Variants in VWA3A observed in about 807,000 individuals in gnomAD.
The protein encoded by VWA3A is von Willebrand factor A domain containing 3A.
In VWA3A, 134 loss-of-function variants were observed where a neutral mutation model predicts 160.4. The observed-to-expected ratio is 0.84, with a 90% CI of 0.73 to 0.96. The LOEUF is 0.96. Ranked by LOEUF, VWA3A falls within the 40% of genes least tolerant of loss-of-function variation. The probability of loss-of-function intolerance (pLI) is 0.00; values close to 1 mark genes in which losing one functional copy is unlikely to be tolerated. For missense variants in VWA3A, 1,310 were observed against 1,447.9 expected (o/e 0.90, Z 1.55); for synonymous variants, 476 against 543.4 (o/e 0.88, Z 1.72).
At chr16:22,142,545 C>T (rs773658507) in intron 24 of VWA3A, 123 bp from the exon 25 acceptor site, 13 of 688,822 alleles carry the variant, frequency 1.9e-5, no homozygotes, top group Non-Finnish European at 2.8e-5. Flanking sequence ...ATGAGGGATC[C>T]GTTCCCATGA....
intron 6 of VWA3A, among the ~76,000 whole-genome samples, chr16:22,106,662 C>G (rs1046079365): frequency 2.0e-5 from 3 of 152,108 alleles, no homozygotes; most frequent in African/African-American, 7.2e-5. Flanking sequence ...CCGGGAGGGC[C>G]TGATTCCAAA....
rs1422756329 is a variant in VWA3A, at chr16:22,109,392, T to C, written c.484-90T>C. On this transcript the variant is annotated intron_variant, in intron 6 of 33. Coordinates refer to ENST00000389398, the MANE Select transcript of VWA3A (RefSeq NM_173615.5). ...TGCTGCTTGTTAGGGGTGAGGAAAG[T>C]GTTTGCATCACTGCGTGGCACAGAG... 6.8e-5 allele frequency: 73 copies of C among 1,070,342 alleles called. 1 individual carries two copies. In the East Asian group the frequency reaches 8.6e-4, roughly 13 times the overall value. 66.3% of individuals were successfully genotyped at this position (1,070,342 alleles called of 1,614,324 possible). A position where few individuals can be genotyped will look rare whatever the true frequency, so the allele number is the denominator to read the frequency against.
intron 24 of VWA3A, among the ~76,000 whole-genome samples, 172 bp from the exon 25 acceptor site, chr16:22,142,496 G>T (rs1357732256): frequency 8.5e-5 from 13 of 152,082 alleles, no homozygotes; most frequent in Non-Finnish European, 1.8e-4. Context: ...GAACTTACTC[G>T]CTCCCCACCC....
At chr16:22,138,274 G>A in intron 21 of VWA3A, 86 bp from the exon 22 acceptor site, 1 of 1,463,418 alleles carries the variant, frequency 6.8e-7, no homozygotes. Context: ...AGGTTCCAGT[G>A]GATACAGTCC....
chr16:22,115,924 A>AGGG (rs1567203055), intron 9 of VWA3A, among the ~76,000 whole-genome samples: 5 of 19,390 alleles, frequency 2.6e-4, no homozygotes, highest in Admixed American at 6.5e-4. Flanking sequence ...GAAGGAAGGA[A>AGGG]AGGAAAGGAA....
chr16:22,146,403 C>T, intron 27 of VWA3A, 59 bp downstream of exon 27: 6 of 1,438,686 alleles, frequency 4.2e-6, no homozygotes, highest in Non-Finnish European at 5.8e-6. Context: ...GAAGGCTAGC[C>T]CCAGGGACCC....
chr16:22,113,118 CAT>C (rs1345299542), intron 8 of VWA3A, among the ~76,000 whole-genome samples: 5 of 152,176 alleles, frequency 3.3e-5, no homozygotes, highest in Non-Finnish European at 5.9e-5. Context: ...ATTCTCTTGT[CAT>C]AACCCTATGT....
At position 22,115,408 on chromosome 16, in the gene VWA3A, C is replaced by T; in HGVS notation, c.751C>T (p.Gln251Ter). 1.2e-6 allele frequency: 2 copies of T among 1,604,224 alleles called. No homozygotes were observed. The highest frequency in any genetic ancestry group is 1.7e-6 in the Non-Finnish European group (2 of 1,175,408). Residue 251 changes from glutamine to a stop codon, truncating the protein, a stop_gained, in exon 9 of 34, where the codon CAA (glutamine) becomes TAA (stop). Coordinates refer to ENST00000389398, the MANE Select transcript of VWA3A (RefSeq NM_173615.5). LOFTEE classifies it high-confidence loss of function. ...GCCTGATGGAGGCAGCAACCTGCTA[C>T]AAGCTCTGAAGAAGATCTTCACTCT... ...LQPDGGSNLLQALKKIFTLKG... is the reference protein window; with the variant it reads ...LQPDGGSNLL
rs1250755167 is a variant in VWA3A, at chr16:22,100,175, T to G, written c.226-19T>G. ...CTCTCTTTCCACTTCACGGTTTGAC[T>G]CTGGCTTTTGTCTTGCAGAGGCTGC... On this transcript the variant is annotated intron_variant, in intron 3 of 33. Transcript: ENST00000389398. 1 of 1,531,450 alleles carries G rather than the reference T, an allele frequency of 6.5e-7. No individual in the cohort carries two copies. Among genetic ancestry groups the G allele is most frequent in the Non-Finnish European group, 8.8e-7 (1 of 1,139,244 alleles). 94.9% of individuals were successfully genotyped at this position (1,531,450 alleles called of 1,614,324 possible).
At chr16:22,107,588 T>TA (rs1012772267) in intron 6 of VWA3A, among the ~76,000 whole-genome samples, 4 of 151,080 alleles carry the variant, frequency 2.6e-5, no homozygotes, top group African/African-American at 4.9e-5. Context: ...CAAAAAATTT[T>TA]AAAAAAAAAT....
In VWA3A at chr16:22,148,366, A is replaced by C. The variant is rs1598108291; in HGVS notation, c.2984+60A>C. On this transcript the variant is annotated intron_variant, in intron 28 of 33. Coordinates refer to ENST00000389398, the MANE Select transcript of VWA3A (RefSeq NM_173615.5). The stretch of plus-strand genomic sequence containing the variant: ...GGCAGTTCCTGGGGCTTCCCTGGCC[A>C]AGCACGCCCCCTCTTCTCAGTGCCA... 2.0e-6 allele frequency: 3 copies of C among 1,527,612 alleles called. No homozygotes were observed. In the East Asian group the frequency reaches 7.3e-5, roughly 37 times the overall value. 94.6% of individuals were successfully genotyped at this position (1,527,612 alleles called of 1,614,324 possible). A position where few individuals can be genotyped will look rare whatever the true frequency, so the allele number is the denominator to read the frequency against.
At chr16:22,106,053 T>G (rs540174623) in intron 6 of VWA3A, among the ~76,000 whole-genome samples, 1 of 152,082 alleles carries the variant, frequency 6.6e-6, no homozygotes, top group African/African-American at 2.4e-5. Context: ...GAAACAAAGC[T>G]GAGTAAGGGA....
In VWA3A at chr16:22,108,084, G is replaced by T. The variant is rs79982959; in HGVS notation, c.484-1398G>T. Reference sequence around the variant, plus strand: ...AACCCTTGGGCTTGGCAAGACAAAGGTCATTGATCACCTTGACATGTGTGG... The same window carrying T: ...AACCCTTGGGCTTGGCAAGACAAAGTTCATTGATCACCTTGACATGTGTGG... On this transcript the variant is annotated intron_variant, in intron 6 of 33. Coordinates refer to ENST00000389398, the MANE Select transcript of VWA3A (RefSeq NM_173615.5). 1.6e-3 allele frequency among the ~76,000 whole-genome samples: 251 copies of T among 152,280 alleles called. 4 individuals carry two copies. The East Asian group carries it at 0.044, about 27-fold the overall frequency.
At position 22,100,230 on chromosome 16, in the gene VWA3A, G is replaced by A; in HGVS notation, c.262G>A (p.Glu88Lys). 1.4e-5 allele frequency: 21 copies of A among 1,550,688 alleles called. No individual in the cohort carries two copies. The highest frequency in any genetic ancestry group is 1.8e-5 in the Non-Finnish European group (21 of 1,146,916). ...QGSETQSSDWEDSEDWLSAHS... is the reference protein window; with the variant it reads ...QGSETQSSDWKDSEDWLSAHS... Reference sequence around the variant, plus strand: ...GAGTGAGACCCAGTCTTCAGATTGGGAGGACTCTGAAGACTGGCTTTCGGC... The same window carrying A: ...GAGTGAGACCCAGTCTTCAGATTGGAAGGACTCTGAAGACTGGCTTTCGGC... Residue 88 changes from glutamate to lysine, a missense_variant, in exon 4 of 34, where the codon GAG becomes AAG. Physicochemically the swap from Glu to Lys is moderately conservative, Grantham distance 56. Coordinates refer to ENST00000389398, the MANE Select transcript of VWA3A (RefSeq NM_173615.5).
At chr16:22,104,975 C>T (rs1452369258) in intron 6 of VWA3A, among the ~76,000 whole-genome samples, 1 of 152,112 alleles carries the variant, frequency 6.6e-6, no homozygotes, top group Non-Finnish European at 1.5e-5. Flanking sequence ...CACCTCTACC[C>T]AAGACTAGTG....
At chr16:22,102,297 G>C (rs2045419223) in intron 5 of VWA3A, among the ~76,000 whole-genome samples, 1 of 152,148 alleles carries the variant, frequency 6.6e-6, no homozygotes, top group Non-Finnish European at 1.5e-5. Flanking sequence ...GCTGCAGTGA[G>C]CCATGATCGT....
rs770916975 is a variant in VWA3A, at chr16:22,146,310, G to A, written c.2805G>A (p.Arg935=). Residue 935 remains arginine (R), a synonymous_variant, in exon 27 of 34, where the codon AGG becomes AGA. Transcript: ENST00000389398. ...VYIRHLEKVL[R]RYVQRLQWLL... is the part of the protein sequence containing the mutation. ...TCAGGCACTTGGAGAAGGTGTTAAG[G>A]CGCTATGTCCAGAGGCTGCAGTGGC... 2 of 1,613,490 alleles carry A rather than the reference G, an allele frequency of 1.2e-6. No homozygotes were observed. The highest frequency in any genetic ancestry group is 1.7e-5 in the Admixed American group (1 of 59,970).
At chr16:22,117,203 C>A in intron 11 of VWA3A, 27 bp downstream of exon 11, 2 of 1,564,000 alleles carry the variant, frequency 1.3e-6, no homozygotes, top group Non-Finnish European at 1.7e-6. Flanking sequence ...ACACATGGCC[C>A]CTCTTCTTCT....
chr16:22,104,854 C>T (rs2045458791), intron 6 of VWA3A, among the ~76,000 whole-genome samples: 1 of 152,146 alleles, frequency 6.6e-6, no homozygotes, highest in Non-Finnish European at 1.5e-5. Flanking sequence ...ATCTTCAGCT[C>T]TTGCCTTAAA....
Sources: allele counts gnomAD v4.1 joint callset (sites outside exome capture counted in the v4.1 genomes callset), GRCh38; gene constraint gnomAD v4.1.1; transcripts MANE v1.5; gene names NCBI Gene and HGNC (gene_info 2026-07-23, HGNC 2026-07-21).